CD99L2: variants seen among roughly 807,000 people sequenced by gnomAD.
CD99L2 encodes the protein CD99 molecule like 2.
In CD99L2, 24 loss-of-function variants were observed where a neutral mutation model predicts 27.3. That is an observed-to-expected ratio of 0.88 (90% CI 0.64 to 1.24). The LOEUF (loss-of-function observed/expected upper bound fraction) is 1.24. CD99L2 is among the 50% of genes most tolerant of loss of function. CD99L2 has a pLI of 0.00. For synonymous variants in CD99L2, 97 were observed against 87.9 expected (o/e 1.10, Z -0.58); for missense variants, 255 against 221.6 (o/e 1.15, Z -0.96).
intron 1 of CD99L2, among the ~76,000 whole-genome samples, chrX:150,888,020 A>G (rs782022813): frequency 8.9e-6 from 1 of 111,757 alleles, no homozygotes; most frequent in African/African-American, 3.3e-5. Context: ...GGCAGTTTTA[A>G]ATGATGGCTA....
chrX:150,891,824 A>T (rs1281041871), intron 1 of CD99L2, among the ~76,000 whole-genome samples: 2 of 112,085 alleles, frequency 1.8e-5, no homozygotes, highest in African/African-American at 6.5e-5. Context: ...ACCTAGCCTC[A>T]GGGAGGGTCC....
At chrX:150,892,333 A>G (rs946506318) in intron 1 of CD99L2, among the ~76,000 whole-genome samples, 3 of 109,490 alleles carry the variant, frequency 2.7e-5, no homozygotes, top group Non-Finnish European at 3.8e-5. Context: ...GAGGCCGGGC[A>G]CGGTGGCTCA....
At chrX:150,824,162 GAGGAGGAGGAGGAGA>G (rs1311468672) in intron 2 of CD99L2, among the ~76,000 whole-genome samples, 6 of 25,639 alleles carry the variant, frequency 2.3e-4, no homozygotes, top group African/African-American at 6.2e-4. Context: ...GGAGGAGGAG[GAGGAGGAGGAGGAGA>G]AGGAGGAGGA....
chrX:150,839,305 G>A (rs1248412984), intron 1 of CD99L2, among the ~76,000 whole-genome samples: 2 of 111,629 alleles, frequency 1.8e-5, no homozygotes, highest in Non-Finnish European at 3.8e-5. Flanking sequence ...CAAAACCCAT[G>A]AGGCAAAATC....
At chrX:150,806,199 T>C (rs782078004) in intron 4 of CD99L2, among the ~76,000 whole-genome samples, 1 of 112,652 alleles carries the variant, frequency 8.9e-6, no homozygotes, top group South Asian at 3.7e-4. Flanking sequence ...TACAACTTCA[T>C]GTGAATTTAC....
At chrX:150,813,748 G>C (rs1403063294) in intron 4 of CD99L2, among the ~76,000 whole-genome samples, 1 of 112,395 alleles carries the variant, frequency 8.9e-6, no homozygotes, top group Non-Finnish European at 1.9e-5. Context: ...ATTCTGAGCA[G>C]TATGAGCCAT....
chrX:150,846,405 A>G (rs1189560527), intron 1 of CD99L2, among the ~76,000 whole-genome samples: 2 of 110,679 alleles, frequency 1.8e-5, no homozygotes, highest in African/African-American at 6.6e-5. Flanking sequence ...TCTGCCACTT[A>G]GCAGGAGAGA....
At position 150,794,156 on chromosome X, in the gene CD99L2, C is replaced by T. The variant is rs782620196; in HGVS notation, c.431-400G>A. Among the ~76,000 whole-genome samples, 9 of 112,037 alleles carry T rather than the reference C, an allele frequency of 8.0e-5. No homozygotes were observed. The South Asian group carries it at 3.0e-3, about 37-fold the overall frequency. On this transcript the variant is annotated intron_variant, in intron 6 of 10. Transcript: ENST00000370377. ...GGTTCAGGCCTTCTCTGAGCTCAGA[C>T]ATGAGAAGCAACAGAGTCGGTCGGT... is the stretch of plus-strand genomic sequence containing the variant.
chrX:150,813,147 G>A (rs2046097890), intron 4 of CD99L2, among the ~76,000 whole-genome samples: 2 of 111,280 alleles, frequency 1.8e-5, no homozygotes, highest in Non-Finnish European at 3.8e-5. Flanking sequence ...TTATGGTGAC[G>A]GAACTGTTTG....
intron 1 of CD99L2, among the ~76,000 whole-genome samples, chrX:150,865,948 C>T (rs1347575763): frequency 2.7e-5 from 3 of 111,146 alleles, no homozygotes; most frequent in Non-Finnish European, 5.7e-5. Context: ...TAGTGAAAAC[C>T]CATCTCTACA....
chrX:150,801,955 T>C (rs1415655694), intron 4 of CD99L2, among the ~76,000 whole-genome samples: 1 of 112,205 alleles, frequency 8.9e-6, no homozygotes, highest in African/African-American at 3.2e-5. Flanking sequence ...TCAGACTTAA[T>C]GGTGAAAGAC....
chrX:150,871,773 C>T (rs782494465), intron 1 of CD99L2, among the ~76,000 whole-genome samples: 1 of 111,883 alleles, frequency 8.9e-6, no homozygotes, highest in Admixed American at 9.5e-5. Context: ...AGAATAGATG[C>T]ACATAATGGA....
chrX:150,865,997 T>G (rs1373429898), intron 1 of CD99L2, among the ~76,000 whole-genome samples: 1 of 111,552 alleles, frequency 9.0e-6, no homozygotes, highest in Non-Finnish European at 1.9e-5. Context: ...GATGCACTCC[T>G]GTAGTCCGTG....
intron 1 of CD99L2, among the ~76,000 whole-genome samples, chrX:150,844,018 G>A (rs965843978): frequency 1.3e-4 from 15 of 112,232 alleles, no homozygotes; most frequent in African/African-American, 3.6e-4. Context: ...GGATTGAATC[G>A]TGACCCAGCA....
At chrX:150,845,576 A>G (rs180931948) in intron 1 of CD99L2, among the ~76,000 whole-genome samples, 139 of 110,829 alleles carry the variant, frequency 1.3e-3, no homozygotes, top group African/African-American at 4.1e-3. Context: ...GTGGTTAATC[A>G]TTAGGTAGCA....
rs1435520591 is a variant in CD99L2 at position 150,767,471 on chromosome X, C to A, written c.*1563G>T. 8.9e-6 allele frequency: 1 copy of A among 112,036 alleles called. No individual in the cohort carries two copies. Among genetic ancestry groups the A allele is most frequent in the African/African-American group, 3.3e-5 (1 of 30,724 alleles). The allele number at this position is 112,036 out of a possible 1,213,427, so 9.2% of individuals were successfully genotyped here. A position where few individuals can be genotyped will look rare whatever the true frequency, so the allele number is the denominator to read the frequency against. ...GTGGTAAGGAGCTCAAGGGCACGCA[C>A]TGGGAATGGCCTCACAAGGCAGCCT... On this transcript the variant is annotated 3_prime_UTR_variant, in exon 11 of 11. Coordinates refer to ENST00000370377, the MANE Select transcript of CD99L2 (RefSeq NM_031462.4).
At chrX:150,824,915 G>C (rs1440116884) in intron 2 of CD99L2, among the ~76,000 whole-genome samples, 3 of 112,000 alleles carry the variant, frequency 2.7e-5, no homozygotes, top group Non-Finnish European at 5.6e-5. Flanking sequence ...CTACTCCTTA[G>C]GAAGATTTTG....
Position 150,856,256 on chromosome X carries a change from T to A in CD99L2, c.68-24963A>T, listed in dbSNP as rs782605303. 2.7e-5 allele frequency among the ~76,000 whole-genome samples: 3 copies of A among 112,908 alleles called. No individual in the cohort carries two copies. The East Asian group carries it at 8.4e-4, about 32-fold the overall frequency. Reference sequence around the variant, plus strand: ...ACAGAGGACAATTTCCTCCTGTGTATCACACCACATTCCTGTGGTGGTTCT... The same window carrying A: ...ACAGAGGACAATTTCCTCCTGTGTAACACACCACATTCCTGTGGTGGTTCT... On this transcript the variant is annotated intron_variant, in intron 1 of 10. Transcript: ENST00000370377.
chrX:150,799,075 A>G (rs2045860626), intron 4 of CD99L2, among the ~76,000 whole-genome samples: 1 of 112,609 alleles, frequency 8.9e-6, no homozygotes, highest in Non-Finnish European at 1.9e-5. Flanking sequence ...TTGTGCATCA[A>G]AGGACAATAT....
Sources: allele counts gnomAD v4.1 joint callset (sites outside exome capture counted in the v4.1 genomes callset), GRCh38; gene constraint gnomAD v4.1.1; transcripts MANE v1.5; gene names NCBI Gene and HGNC (gene_info 2026-07-23, HGNC 2026-07-21).